FAM120B: variants seen among roughly 807,000 people sequenced by gnomAD.
FAM120B encodes the protein constitutive coactivator of peroxisome proliferator-activated receptor gamma.
A neutral mutation model predicts 96.3 loss-of-function variants in FAM120B; 83 were observed. The observed-to-expected ratio is 0.86, with a 90% confidence interval of 0.72 to 1.03. The LOEUF (loss-of-function observed/expected upper bound fraction) is 1.03, where lower values mean the gene tolerates loss of function less well. FAM120B is among the 50% of genes least tolerant of loss of function. The probability of loss-of-function intolerance (pLI) is 0.00; values close to 1 mark genes in which losing one functional copy is unlikely to be tolerated. For missense variants in FAM120B, 1,027 were observed against 1,121.2 expected, an observed-to-expected ratio of 0.92 and a Z score of 1.20; for synonymous variants, 407 against 402.7, an observed-to-expected ratio of 1.01 and a Z score of -0.13.
At chr6:170,395,988 G>A (rs1778139049) in intron 9 of FAM120B, among the ~76,000 whole-genome samples, 1 of 152,178 alleles carries the variant, frequency 6.6e-6, no homozygotes, top group Non-Finnish European at 1.5e-5. Flanking sequence ...TACAGTGTGA[G>A]GTAGGAAATA....
intron 6 of FAM120B, among the ~76,000 whole-genome samples, chr6:170,361,182 C>CTATATATATATATA (rs564683415): frequency 7.3e-4 from 55 of 75,512 alleles, no homozygotes; most frequent in Non-Finnish European, 1.1e-3. Flanking sequence ...AGCCTTAAAA[C>CTATATATATATATA]TATATATATA....
At position 170,404,814 on chromosome 6, in the gene FAM120B, G is replaced by A. The variant is rs952706902; in HGVS notation, c.*63G>A. 3.3e-5 allele frequency: 18 copies of A among 545,360 alleles called. No homozygotes were observed. Among genetic ancestry groups the A allele is most frequent in the South Asian group, 2.1e-4 (9 of 41,900 alleles). The allele number at this position is 545,360 out of a possible 1,614,324, so 33.8% of individuals were successfully genotyped here. On this transcript the variant is annotated 3_prime_UTR_variant, in exon 11 of 11. Transcript: ENST00000476287. ...CACCTGGACGCAGAGCCCTGCCAGC[G>A]CCCTCCTCTGCTGTTGCAGCTGCAA... is the stretch of plus-strand genomic sequence containing the variant.
chr6:170,395,386 A>T, intron 8 of FAM120B, 101 bp from the exon 9 acceptor site: 2 of 894,162 alleles, frequency 2.2e-6, no homozygotes, highest in Non-Finnish European at 1.8e-6. Flanking sequence ...AAGTACGGGG[A>T]TACTGCTGAC....
At chr6:170,299,862 C>G (rs9366198) in intron 1 of FAM120B, among the ~76,000 whole-genome samples, 34,863 of 152,224 alleles carry the variant, frequency 0.23, 4,256 homozygotes, top group East Asian at 0.33. Flanking sequence ...GACATCCATG[C>G]CCTGTCAGTC....
chr6:170,299,869 A>C (rs1214321844), intron 1 of FAM120B, among the ~76,000 whole-genome samples: 1 of 152,238 alleles, frequency 6.6e-6, no homozygotes, highest in Non-Finnish European at 1.5e-5. Flanking sequence ...ATGCCCTGTC[A>C]GTCACTCCAT....
chr6:170,402,911 C>T (rs941075594), intron 9 of FAM120B, among the ~76,000 whole-genome samples: 2 of 152,178 alleles, frequency 1.3e-5, no homozygotes, highest in African/African-American at 4.8e-5. Context: ...TGAAGAAGAT[C>T]CCTGCTTTAT....
At chr6:170,345,144 GA>G (rs1472702004) in intron 4 of FAM120B, among the ~76,000 whole-genome samples, 1 of 152,180 alleles carries the variant, frequency 6.6e-6, no homozygotes, top group African/African-American at 2.4e-5. Context: ...AGGAAGGCTG[GA>G]AGGCTTTTAT....
intron 6 of FAM120B, among the ~76,000 whole-genome samples, chr6:170,372,280 T>A (rs182054280): frequency 1.3e-5 from 2 of 152,318 alleles, no homozygotes; most frequent in African/African-American, 4.8e-5. Context: ...ACTGCTTACA[T>A]ACACTATTTT....
At chr6:170,355,575 G>A (rs528084473) in intron 5 of FAM120B, among the ~76,000 whole-genome samples, 1 of 152,202 alleles carries the variant, frequency 6.6e-6, no homozygotes, top group African/African-American at 2.4e-5. Flanking sequence ...AGGGGGTCGG[G>A]GAGGGGGAAG....
chr6:170,374,442 C>T (rs1789391642), intron 6 of FAM120B, among the ~76,000 whole-genome samples: 2 of 152,184 alleles, frequency 1.3e-5, no homozygotes, highest in Non-Finnish European at 2.9e-5. Flanking sequence ...ATTTACTCTG[C>T]CCGAGACGAG....
At chr6:170,305,996 A>T (rs1001448219), upstream of FAM120B, among the ~76,000 whole-genome samples, 3 of 152,218 alleles carry the variant, frequency 2.0e-5, no homozygotes, top group Non-Finnish European at 4.4e-5. Flanking sequence ...ATGTATCCAC[A>T]GCAGCCACTG....
rs1583199303 is a variant in FAM120B, at chr6:170,323,165, A to G, written c.1821A>G (p.Leu607=). Residue 607 remains leucine (L), a synonymous_variant, in exon 3 of 11, where the codon CTA becomes CTG. Coordinates refer to ENST00000476287, the MANE Select transcript of FAM120B (RefSeq NM_032448.3). ...GAGAGATTGAATGCAGCAACACCCT[A>G]GAAGATGAGCTTGACCAGGCCTTAC... ...SSGEIECSNT[L]EDELDQALPS... is the part of the protein sequence containing the mutation. 1 of 1,614,194 alleles carries G rather than the reference A, an allele frequency of 6.2e-7. No individual in the cohort carries two copies. Among genetic ancestry groups the G allele is most frequent in the Middle Eastern group, 1.6e-4 (1 of 6,062 alleles).
chr6:170,307,241 T>C (rs1165453643), intron 1 of FAM120B, among the ~76,000 whole-genome samples: 3 of 152,238 alleles, frequency 2.0e-5, no homozygotes, highest in Non-Finnish European at 4.4e-5. Flanking sequence ...TGCACGACTT[T>C]TCTGGTCGTC....
At chr6:170,321,663 C>T (rs1254585182) in intron 2 of FAM120B, among the ~76,000 whole-genome samples, 1 of 152,222 alleles carries the variant, frequency 6.6e-6, no homozygotes, top group African/African-American at 2.4e-5. Flanking sequence ...GCATGAGCCA[C>T]CGTTCCTGGC....
intron 6 of FAM120B, among the ~76,000 whole-genome samples, chr6:170,368,182 G>T (rs1313907277): frequency 6.6e-6 from 1 of 152,194 alleles, no homozygotes; most frequent in Non-Finnish European, 1.5e-5. Context: ...ATAGACCAGG[G>T]TTTTAGGCTC....
chr6:170,368,781 C>T (rs1439068860), intron 6 of FAM120B, among the ~76,000 whole-genome samples: 2 of 123,782 alleles, frequency 1.6e-5, no homozygotes, highest in African/African-American at 6.3e-5. Flanking sequence ...ACTTGATGTC[C>T]AAGATCCATG....
At chr6:170,296,250 T>A (rs553624751) in intron 1 of FAM120B, among the ~76,000 whole-genome samples, 1 of 152,118 alleles carries the variant, frequency 6.6e-6, no homozygotes, top group African/African-American at 2.4e-5. Flanking sequence ...GGAGGCCGCG[T>A]GTCCCAGGGA....
upstream of FAM120B, among the ~76,000 whole-genome samples, chr6:170,291,618 G>C (rs1203741246): frequency 6.6e-6 from 1 of 152,204 alleles, no homozygotes; most frequent in Non-Finnish European, 1.5e-5. Flanking sequence ...CGGCAGTTTC[G>C]GGAAGTTTGG....
chr6:170,342,445 A>T (rs750666720), intron 4 of FAM120B, among the ~76,000 whole-genome samples: 1 of 152,170 alleles, frequency 6.6e-6, no homozygotes, highest in Non-Finnish European at 1.5e-5. Context: ...ACTTATTTCC[A>T]TGTAAAAAGC....
Sources: allele counts gnomAD v4.1 joint callset (sites outside exome capture counted in the v4.1 genomes callset), GRCh38; gene constraint gnomAD v4.1.1; transcripts MANE v1.5; gene names NCBI Gene and HGNC (gene_info 2026-07-23, HGNC 2026-07-21).